Variants in G6PC3 observed in about 807,000 individuals in gnomAD.
G6PC3 encodes the protein glucose-6-phosphatase catalytic subunit 3.
A neutral mutation model predicts 38.6 loss-of-function variants in G6PC3; 30 were observed. The observed-to-expected ratio is 0.78, with a 90% CI of 0.58 to 1.05. G6PC3 has a LOEUF of 1.05. G6PC3 is among the 50% of genes least tolerant of loss of function. The pLI, the probability that G6PC3 is intolerant of heterozygous loss-of-function variation, is 0.00. For synonymous variants in G6PC3, 192 were observed against 178.1 expected (o/e 1.08, Z -0.62); for missense variants, 377 against 443.1 (o/e 0.85, Z 1.34).
Position 44,070,951 on chromosome 17 carries a change from G to A in G6PC3, c.-15G>A, listed in dbSNP as rs1324269193. The A allele has an allele frequency of 3.2e-6, 5 of 1,549,090 alleles. No homozygotes were observed. The highest frequency in any genetic ancestry group is 4.4e-6 in the Non-Finnish European group (5 of 1,147,020). On this transcript the variant is annotated 5_prime_UTR_variant, in exon 1 of 6. Coordinates refer to ENST00000269097, the MANE Select transcript of G6PC3 (RefSeq NM_138387.4). ...CCCTGGAGCAAGCCGGGGCCTGGTC[G>A]GCAGCTGGGCCGCCATGGAGTCCAC... is the stretch of plus-strand genomic sequence containing the variant.
Position 44,070,975 on chromosome 17 carries a change from A to C in G6PC3, c.10A>C (p.Thr4Pro). The C allele has an allele frequency of 6.4e-7, 1 of 1,552,702 alleles. No individual in the cohort carries two copies. Among genetic ancestry groups the C allele is most frequent in the Non-Finnish European group, 8.7e-7 (1 of 1,147,866 alleles). Residue 4 changes from threonine (T) to proline (P), a missense_variant, in exon 1 of 6, where the codon ACG becomes CCG. Coordinates refer to ENST00000269097, the MANE Select transcript of G6PC3 (RefSeq NM_138387.4). The stretch of plus-strand genomic sequence containing the variant: ...CGGCAGCTGGGCCGCCATGGAGTCC[A>C]CGCTGGGCGCGGGCATCGTGATAGC... The part of the protein sequence containing the change: MES[T>P]LGAGIVIAEA...
intron 4 of G6PC3, 110 bp from the exon 5 acceptor site, chr17:44,075,200 C>A: frequency 6.5e-7 from 1 of 1,528,698 alleles, no homozygotes; most frequent in South Asian, 1.1e-5. Context: ...CAGAGGCCCC[C>A]CGTTATGTCT....
Position 44,075,050 on chromosome 17 carries a change from A to G in G6PC3, c.498A>G (p.Ala166=). 6.2e-7 allele frequency: 1 copy of G among 1,614,106 alleles called. No homozygotes were observed. The highest frequency in any genetic ancestry group is 1.3e-5 in the African/African-American group (1 of 75,008). ...GCTTGTCGCGAATCTTCATCTTAGC[A>G]CATTTCCCTCACCAGGTGCTGGCTG... ...AVGLSRIFIL[A]HFPHQVLAGL... The change falls in exon 4 of 6, where the codon GCA becomes GCG. Residue 166 remains alanine (A), a synonymous_variant. Coordinates refer to ENST00000269097, the MANE Select transcript of G6PC3 (RefSeq NM_138387.4).
Position 44,070,884 on chromosome 17 carries a change from C to G in G6PC3, c.-82C>G, listed in dbSNP as rs968996122. ...GCTCAGAGGGGTGGGCTTTGGAGAT[C>G]AGAGGGTCGACGCTGCTTCGTTGCC... On this transcript the variant is annotated 5_prime_UTR_variant, in exon 1 of 6. In the 5' UTR this introduces an upstream ATG that the reference lacks. Transcript: ENST00000269097. 4 of 1,486,886 alleles carry G rather than the reference C, an allele frequency of 2.7e-6. No individual in the cohort carries two copies. The South Asian group carries it at 4.8e-5, about 18-fold the overall frequency. The allele number at this position is 1,486,886 out of a possible 1,614,324, so 92.1% of individuals were successfully genotyped here.
intron 5 of G6PC3, 51 bp from the exon 6 acceptor site, chr17:44,075,629 G>T: frequency 6.2e-7 from 1 of 1,606,272 alleles, no homozygotes. Flanking sequence ...CCAAGAGCCA[G>T]TGGCCTTCTA....
rs750629842 is a variant in G6PC3, at chr17:44,076,296, CTG to C, written c.*256_*257del. ...GCAAGACCAGCGGGTTCTTGCAACA[CTG>C]TGAGGGGCAGCCAGGGCGGCCCCAA... On this transcript the variant is annotated 3_prime_UTR_variant, in exon 6 of 6. Transcript: ENST00000269097. The C allele has an allele frequency of 4.4e-6, 3 of 685,798 alleles. No homozygotes were observed. Among genetic ancestry groups the C allele is most frequent in the South Asian group, 1.5e-5 (1 of 67,472 alleles). 42.5% of individuals were successfully genotyped at this position (685,798 alleles called of 1,614,324 possible). A position where few individuals can be genotyped will look rare whatever the true frequency, so the allele number is the denominator to read the frequency against.
rs746741551 is a variant in G6PC3, at chr17:44,076,003, T to C, written c.1001T>C (p.Met334Thr). The change falls in exon 6 of 6, where the codon ATG becomes ACG. Residue 334 changes from methionine (M) to threonine (T), a missense_variant. Coordinates refer to ENST00000269097, the MANE Select transcript of G6PC3 (RefSeq NM_138387.4). ...GCCCTCGTGCCCTGGGCAGTGCACA[T>C]GTTCAGTGCCCAGGAAGCACCGCCC... ...VLALVPWAVH[M>T]FSAQEAPPIH... 4.3e-6 allele frequency: 7 copies of C among 1,613,222 alleles called. No homozygotes were observed. In the Admixed American group the frequency reaches 1.2e-4, roughly 27 times the overall value.
At chr17:44,074,125 A>T (rs780441083) in intron 1 of G6PC3, 35 bp from the exon 2 acceptor site, 9 of 1,450,050 alleles carry the variant, frequency 6.2e-6, no homozygotes, top group Non-Finnish European at 8.7e-6. Flanking sequence ...CTGTGTGTGC[A>T]TGTGGAAAGT....
Position 44,076,131 on chromosome 17 carries a change from A to G in G6PC3, c.*88A>G. ...CCAGGAGGCAGCCCCATCCCCTTCC[A>G]GCCCCTAAGTAGGCCCTCCCCTCCC... On this transcript the variant is annotated 3_prime_UTR_variant, in exon 6 of 6. Transcript: ENST00000269097. 6.4e-7 allele frequency: 1 copy of G among 1,553,932 alleles called. No individual in the cohort carries two copies. The highest frequency in any genetic ancestry group is 1.1e-5 in the South Asian group (1 of 89,426).
chr17:44,075,664 C>A lies in G6PC3; in HGVS notation c.678-16C>A. ...ATGTTCCAGCCTCTCCTGGCAAGAA[C>A]TCTTCTTCCCCACAGGTCCATCAGC... is the stretch of plus-strand genomic sequence containing the variant. On this transcript the variant is annotated splice_polypyrimidine_tract_variant and intron_variant, in intron 5 of 5. Coordinates refer to ENST00000269097, the MANE Select transcript of G6PC3 (RefSeq NM_138387.4). 1 of 1,609,546 alleles carries A rather than the reference C, an allele frequency of 6.2e-7. No homozygotes were observed. Among genetic ancestry groups the A allele is most frequent in the Non-Finnish European group, 8.5e-7 (1 of 1,180,002 alleles).
chr17:44,072,024 G>T, intron 1 of G6PC3: 1 of 252,880 alleles, frequency 4.0e-6, no homozygotes, highest in South Asian at 4.0e-5. Flanking sequence ...CAGATCCTCA[G>T]CCTGGGGGAA....
At position 44,070,819 on chromosome 17, in the gene G6PC3, G is replaced by A. The variant is rs749546624; in HGVS notation, c.-147G>A. 1.2e-6 allele frequency: 1 copy of A among 835,304 alleles called. No individual in the cohort carries two copies. Among genetic ancestry groups the A allele is most frequent in the South Asian group, 1.5e-5 (1 of 68,060 alleles). The allele number at this position is 835,304 out of a possible 1,614,324, so 51.7% of individuals were successfully genotyped here. A position where few individuals can be genotyped will look rare whatever the true frequency, so the allele number is the denominator to read the frequency against. Reference sequence around the variant, plus strand: ...TTGCAGGAGCGGGGGACTGCTGGGGGCGGGGCTTGGTGGTGACCGCTGGCG... The same window carrying A: ...TTGCAGGAGCGGGGGACTGCTGGGGACGGGGCTTGGTGGTGACCGCTGGCG... On this transcript the variant is annotated 5_prime_UTR_variant, in exon 1 of 6. Coordinates refer to ENST00000269097, the MANE Select transcript of G6PC3 (RefSeq NM_138387.4).
chr17:44,075,201 C>T (rs1000581162), intron 4 of G6PC3, 109 bp from the exon 5 acceptor site: 17 of 1,528,452 alleles, frequency 1.1e-5, no homozygotes, highest in African/African-American at 1.1e-4. Flanking sequence ...AGAGGCCCCC[C>T]GTTATGTCTC....
Position 44,076,179 on chromosome 17 carries a change from G to C in G6PC3, c.*136G>C. 2 of 1,184,556 alleles carry C rather than the reference G, an allele frequency of 1.7e-6. No homozygotes were observed. The allele number at this position is 1,184,556 out of a possible 1,614,324, so 73.4% of individuals were successfully genotyped here. On this transcript the variant is annotated 3_prime_UTR_variant, in exon 6 of 6. Transcript: ENST00000269097. ...CCCTAAATCTGCTTCCGCACCACCT[G>C]GTCTTAGCCCCAAAGATGGGCCTTC...
chr17:44,070,985 C>T lies in G6PC3; in HGVS notation c.20C>T (p.Ala7Val). 3 of 1,554,802 alleles carry T rather than the reference C, an allele frequency of 1.9e-6. No homozygotes were observed. Among genetic ancestry groups the T allele is most frequent in the Non-Finnish European group, 2.6e-6 (3 of 1,148,744 alleles). The change falls in exon 1 of 6, where the codon GCG becomes GTG. Residue 7 changes from alanine (A) to valine (V), a missense_variant. Physicochemically the swap from Ala to Val is moderately conservative, Grantham distance 64. Transcript: ENST00000269097. The part of the protein sequence containing the change: MESTLG[A>V]GIVIAEALQN... ...GCCGCCATGGAGTCCACGCTGGGCG[C>T]GGGCATCGTGATAGCCGAGGCGCTA...
In G6PC3 at chr17:44,070,881, G is replaced by A. The variant is rs748083954; in HGVS notation, c.-85G>A. The A allele has an allele frequency of 4.7e-6, 7 of 1,475,312 alleles. No individual in the cohort carries two copies. The highest frequency in any genetic ancestry group is 6.4e-6 in the Non-Finnish European group (7 of 1,092,470). The allele number at this position is 1,475,312 out of a possible 1,614,324, so 91.4% of individuals were successfully genotyped here. ...GGGGCTCAGAGGGGTGGGCTTTGGA[G>A]ATCAGAGGGTCGACGCTGCTTCGTT... is the stretch of plus-strand genomic sequence containing the variant. On this transcript the variant is annotated 5_prime_UTR_variant, in exon 1 of 6. Coordinates refer to ENST00000269097, the MANE Select transcript of G6PC3 (RefSeq NM_138387.4).
Position 44,074,675 on chromosome 17 carries a change from G to T in G6PC3, c.326-5G>T, listed in dbSNP as rs763737517. On this transcript the variant is annotated splice_region_variant and splice_polypyrimidine_tract_variant and intron_variant, in intron 2 of 5. Transcript: ENST00000269097. ...CTCACCACGAGCTTCTGGATTTGCT[G>T]GCAGGCAGCCCTTCTGGACACTGCA... The T allele has an allele frequency of 6.2e-7, 1 of 1,613,992 alleles. No homozygotes were observed. The highest frequency in any genetic ancestry group is 1.3e-5 in the African/African-American group (1 of 74,932).
At chr17:44,075,149 T>C in intron 4 of G6PC3, 62 bp downstream of exon 4, 2 of 1,495,496 alleles carry the variant, frequency 1.3e-6, no homozygotes, top group Non-Finnish European at 1.9e-6. Flanking sequence ...AGGATCAGTC[T>C]AGGATCTTCC....
Position 44,071,477 on chromosome 17 carries a change from C to T in G6PC3, c.218+294C>T, listed in dbSNP as rs1244931962. The T allele has an allele frequency of 4.8e-6, 3 of 630,426 alleles. No homozygotes were observed. The East Asian group carries it at 1.1e-4, about 23-fold the overall frequency. 39.1% of individuals were successfully genotyped at this position (630,426 alleles called of 1,614,324 possible). A position where few individuals can be genotyped will look rare whatever the true frequency, so the allele number is the denominator to read the frequency against. On this transcript the variant is annotated intron_variant, in intron 1 of 5. Coordinates refer to ENST00000269097, the MANE Select transcript of G6PC3 (RefSeq NM_138387.4). ...CATCTCACACTTACTAATTTAGAAA[C>T]TCCAAGGGGTTGGGAATTTATTTTT... is the stretch of plus-strand genomic sequence containing the variant.
Sources: gnomAD v4.1 joint callset for allele counts on GRCh38, gnomAD v4.1.1 for gene constraint, MANE v1.5 for transcripts, NCBI Gene and HGNC (gene_info 2026-07-23, HGNC 2026-07-21) for gene names.